Variants in GNAI1 observed in about 807,000 individuals in gnomAD.
GNAI1 encodes guanine nucleotide-binding protein G(i) subunit alpha-1.
A neutral mutation model predicts 38.9 loss-of-function variants in GNAI1; 11 were observed. The ratio of observed to expected loss-of-function variants is 0.28; its 90% confidence interval spans 0.18 to 0.47. The LOEUF is 0.47. GNAI1 is among the 20% of genes least tolerant of loss of function. The pLI, the probability that GNAI1 is intolerant of heterozygous loss-of-function variation, is 0.99. For missense variants in GNAI1, 317 were observed against 436.9 expected, an observed-to-expected ratio of 0.73 and a Z score of 2.45; for synonymous variants, 166 against 145.1, an observed-to-expected ratio of 1.14 and a Z score of -1.04.
At chr7:80,171,940 T>C (rs1788104608) in intron 1 of GNAI1, among the ~76,000 whole-genome samples, 1 of 152,206 alleles carries the variant, frequency 6.6e-6, no homozygotes, top group Non-Finnish European at 1.5e-5. Flanking sequence ...AAAATGTCTT[T>C]AAAAATGATA....
chr7:80,142,750 A>G (rs1019192039), intron 1 of GNAI1, among the ~76,000 whole-genome samples: 1 of 152,208 alleles, frequency 6.6e-6, no homozygotes, highest in Non-Finnish European at 1.5e-5. Flanking sequence ...GCTGGTTTAG[A>G]GTAATGAAAA....
chr7:80,149,682 C>A (rs1787690790), intron 1 of GNAI1, among the ~76,000 whole-genome samples: 1 of 152,048 alleles, frequency 6.6e-6, no homozygotes, highest in African/African-American at 2.4e-5. Context: ...TTTGTATATT[C>A]CCGCTTTCCC....
chr7:80,147,271 A>G (rs1787640455), intron 1 of GNAI1, among the ~76,000 whole-genome samples: 1 of 152,034 alleles, frequency 6.6e-6, no homozygotes, highest in South Asian at 2.1e-4. Context: ...TCGAAACCCT[A>G]ACCCCCAATG....
intron 1 of GNAI1, among the ~76,000 whole-genome samples, chr7:80,148,370 A>G (rs1472803866): frequency 6.6e-6 from 1 of 152,148 alleles, no homozygotes; most frequent in Non-Finnish European, 1.5e-5. Flanking sequence ...AGAAAGAGCA[A>G]TTCTGAAAAA....
Position 80,223,714 on chromosome 7 carries a change from T to C in GNAI1, c.*6221T>C, listed in dbSNP as rs1789116598. ...TAACATGTTTTCCTGTTTACAAATA[T>C]AAGTAATTACCTTTCCGTTTTAAGT... On this transcript the variant is annotated 3_prime_UTR_variant, in exon 8 of 8. Transcript: ENST00000649796. Among the ~76,000 whole-genome samples, 1 of 152,208 alleles carries C rather than the reference T, an allele frequency of 6.6e-6. No homozygotes were observed.
intron 5 of GNAI1, among the ~76,000 whole-genome samples, chr7:80,208,037 T>G (rs1355644364): frequency 6.6e-6 from 1 of 152,150 alleles, no homozygotes; most frequent in Non-Finnish European, 1.5e-5. Context: ...ACATCCAGTT[T>G]ATGAGTTTGA....
chr7:80,181,792 A>G (rs1482116227), intron 1 of GNAI1, among the ~76,000 whole-genome samples: 1 of 152,208 alleles, frequency 6.6e-6, no homozygotes, highest in African/African-American at 2.4e-5. Context: ...TATTTACAGT[A>G]TACAAGCTGA....
chr7:80,210,729 CT>C (rs11347260), intron 5 of GNAI1, among the ~76,000 whole-genome samples: 41,918 of 129,262 alleles, frequency 0.32, 7,406 homozygotes, highest in African/African-American at 0.54. Context: ...TTTGTTTTTG[CT>C]TTTTTTTTTT....
chr7:80,164,036 TTTC>T (rs1787969330), intron 1 of GNAI1, among the ~76,000 whole-genome samples: 2 of 134,880 alleles, frequency 1.5e-5, no homozygotes, highest in Admixed American at 7.8e-5. Flanking sequence ...AAACTGGTGC[TTTC>T]TTTTTTTTTT....
chr7:80,159,978 T>C (rs1291604386), intron 1 of GNAI1, among the ~76,000 whole-genome samples: 3 of 152,196 alleles, frequency 2.0e-5, no homozygotes, highest in African/African-American at 7.2e-5. Flanking sequence ...GCAGTAACGT[T>C]GACCTCTCTG....
At chr7:80,140,748 A>G (rs2116070154) in intron 1 of GNAI1, among the ~76,000 whole-genome samples, 1 of 152,346 alleles carries the variant, frequency 6.6e-6, no homozygotes, top group East Asian at 1.9e-4. Context: ...TTTTTAATGA[A>G]TGTTCATTAC....
intron 7 of GNAI1, 99 bp from the exon 8 acceptor site, chr7:80,217,204 G>GACTTCAGTTTCATATGTATC (rs1788986238): frequency 9.7e-6 from 5 of 513,962 alleles, no homozygotes; most frequent in Non-Finnish European, 1.7e-5. Context: ...GAAACTGTAT[G>GACTTCAGTTTCATATGTATC]AAACTGACTT....
chr7:80,134,869 C>A lies in GNAI1; in HGVS notation c.-292C>A. The stretch of plus-strand genomic sequence containing the variant: ...CTTGGCGAGGCTGCGGCGCGGCCAC[C>A]GGCGGGAGTGCAGCGGCCACTGTAC... On this transcript the variant is annotated 5_prime_UTR_variant, in exon 1 of 8. Coordinates refer to ENST00000649796, the MANE Select transcript of GNAI1 (RefSeq NM_002069.6). 1 of 240,466 alleles carries A rather than the reference C, an allele frequency of 4.2e-6. No homozygotes were observed. Among genetic ancestry groups the A allele is most frequent in the Non-Finnish European group, 8.0e-6 (1 of 125,698 alleles). 14.9% of individuals were successfully genotyped at this position (240,466 alleles called of 1,614,324 possible).
At chr7:80,189,031 A>T in intron 2 of GNAI1, 38 bp downstream of exon 2, 1 of 1,601,676 alleles carries the variant, frequency 6.2e-7, no homozygotes, top group Non-Finnish European at 8.6e-7. Flanking sequence ...TGTTTAAGTT[A>T]GTGTACCGTT....
At chr7:80,175,352 ATGTG>A (rs1788163441) in intron 1 of GNAI1, among the ~76,000 whole-genome samples, 1 of 147,366 alleles carries the variant, frequency 6.8e-6, no homozygotes, top group Non-Finnish European at 1.5e-5. Context: ...AAAAATATAT[ATGTG>A]TATATTTATG....
intron 1 of GNAI1, among the ~76,000 whole-genome samples, chr7:80,185,342 T>C (rs2115617778): frequency 6.6e-6 from 1 of 152,306 alleles, no homozygotes; most frequent in Middle Eastern, 3.4e-3. Context: ...TTTCTGGCCT[T>C]AGATTGGATC....
At chr7:80,154,229 A>G (rs996600602) in intron 1 of GNAI1, among the ~76,000 whole-genome samples, 2 of 152,116 alleles carry the variant, frequency 1.3e-5, no homozygotes, top group African/African-American at 4.8e-5. Context: ...TGGCCACTGA[A>G]CTTTTTTTTA....
At chr7:80,158,908 A>G (rs1293396825) in intron 1 of GNAI1, among the ~76,000 whole-genome samples, 1 of 151,862 alleles carries the variant, frequency 6.6e-6, no homozygotes, top group African/African-American at 2.4e-5. Flanking sequence ...AACTCTTATC[A>G]TTTTCCTCTT....
intron 7 of GNAI1, among the ~76,000 whole-genome samples, chr7:80,216,957 G>A (rs911515087): frequency 2.0e-5 from 3 of 152,110 alleles, no homozygotes; most frequent in Admixed American, 6.6e-5. Context: ...ATAGCATGCC[G>A]TCGTCAAGCA....
Sources: allele counts gnomAD v4.1 joint callset (sites outside exome capture counted in the v4.1 genomes callset), GRCh38; gene constraint gnomAD v4.1.1; transcripts MANE v1.5; gene names NCBI Gene and HGNC (gene_info 2026-07-23, HGNC 2026-07-21).